Variants in ARHGAP28 observed in about 807,000 individuals in gnomAD.
ARHGAP28 encodes rho GTPase-activating protein 28.
Under a neutral mutation model 90.7 loss-of-function variants are expected in ARHGAP28, and 56 were observed. The observed-to-expected ratio is 0.62, with a 90% confidence interval of 0.50 to 0.77. The LOEUF is 0.77. ARHGAP28 is among the 30% of genes least tolerant of loss of function. The pLI is 0.00. For synonymous variants in ARHGAP28, 308 were observed against 323.3 expected, an observed-to-expected ratio of 0.95 and a Z score of 0.51; for missense variants, 869 against 900.9, an observed-to-expected ratio of 0.96 and a Z score of 0.45.
intron 14 of ARHGAP28, 48 bp from the exon 15 acceptor site, chr18:6,894,787 A>T: frequency 6.4e-7 from 1 of 1,550,758 alleles, no homozygotes; most frequent in East Asian, 2.3e-5. Flanking sequence ...CAAAAGCAAC[A>T]TATGCTTGTT....
At chr18:6,765,266 G>A (rs1190856524) in intron 1 of ARHGAP28, among the ~76,000 whole-genome samples, 1 of 152,138 alleles carries the variant, frequency 6.6e-6, no homozygotes, top group East Asian at 1.9e-4. Context: ...AGCCATCTGG[G>A]CTTGGAGTTT....
chr18:6,739,737 T>A (rs1389634911), intron 1 of ARHGAP28, among the ~76,000 whole-genome samples: 2 of 151,832 alleles, frequency 1.3e-5, no homozygotes, highest in African/African-American at 4.8e-5. Context: ...AGTAACTAGA[T>A]CTTATAATTT....
intron 1 of ARHGAP28, among the ~76,000 whole-genome samples, chr18:6,761,921 T>A (rs73938289): frequency 0.029 from 4,354 of 152,210 alleles, 183 homozygotes; most frequent in African/African-American, 0.093. Flanking sequence ...ATAGGAAAGG[T>A]TTAAGAAGGG....
chr18:6,779,976 TG>T (rs1369579234), intron 1 of ARHGAP28, among the ~76,000 whole-genome samples: 2 of 152,172 alleles, frequency 1.3e-5, no homozygotes, highest in Non-Finnish European at 2.9e-5. Flanking sequence ...GGGAACTTCA[TG>T]GGAAATATGA....
intron 1 of ARHGAP28, among the ~76,000 whole-genome samples, chr18:6,742,068 A>G (rs750156014): frequency 1.2e-4 from 18 of 152,208 alleles, no homozygotes; most frequent in Non-Finnish European, 2.5e-4. Flanking sequence ...GAAGGATTCC[A>G]TGGGGAAAAC....
intron 2 of ARHGAP28, among the ~76,000 whole-genome samples, chr18:6,827,462 G>A (rs1452702934): frequency 2.1e-5 from 3 of 142,710 alleles, no homozygotes; most frequent in African/African-American, 5.2e-5. Flanking sequence ...CCGGGCAGAG[G>A]GGCTCCTCAC....
At chr18:6,761,971 A>G (rs1246477730) in intron 1 of ARHGAP28, among the ~76,000 whole-genome samples, 2 of 152,224 alleles carry the variant, frequency 1.3e-5, no homozygotes, top group East Asian at 3.9e-4. Context: ...CCAGCGGTCT[A>G]CAGGCAGTTC....
chr18:6,804,592 C>T (rs977979538), intron 1 of ARHGAP28, among the ~76,000 whole-genome samples: 1 of 152,160 alleles, frequency 6.6e-6, no homozygotes, highest in Non-Finnish European at 1.5e-5. Flanking sequence ...AGCAATGTCC[C>T]ACAAATTTTG....
chr18:6,782,267 T>C (rs755638064), intron 1 of ARHGAP28, among the ~76,000 whole-genome samples: 10 of 152,168 alleles, frequency 6.6e-5, no homozygotes, highest in Non-Finnish European at 1.2e-4. Flanking sequence ...GAGTGTTCAC[T>C]GTTTTTTAGC....
At chr18:6,742,345 T>C (rs372932468) in intron 1 of ARHGAP28, among the ~76,000 whole-genome samples, 1 of 152,088 alleles carries the variant, frequency 6.6e-6, no homozygotes, top group East Asian at 1.9e-4. Flanking sequence ...TTTTTTTGTA[T>C]TTTTAGTAGA....
At position 6,914,516 on chromosome 18, in the gene ARHGAP28, C is replaced by G. The variant is rs1243205570; in HGVS notation, c.*2362C>G. 1 of 152,020 alleles carries G rather than the reference C, an allele frequency of 6.6e-6. No homozygotes were observed. Among genetic ancestry groups the G allele is most frequent in the African/African-American group, 2.4e-5 (1 of 41,412 alleles). 9.4% of individuals were successfully genotyped at this position (152,020 alleles called of 1,614,324 possible). ...GAGGTTCTTTTGACCAATTTTATTCCTAAGAATAAACAAACCCCTACAGTT... is the reference window on the plus strand; with the variant it reads ...GAGGTTCTTTTGACCAATTTTATTCGTAAGAATAAACAAACCCCTACAGTT... On this transcript the variant is annotated 3_prime_UTR_variant, in exon 18 of 18. Transcript: ENST00000383472.
intron 4 of ARHGAP28, among the ~76,000 whole-genome samples, chr18:6,856,086 C>G (rs1363040489): frequency 3.9e-5 from 6 of 152,222 alleles, no homozygotes; most frequent in Non-Finnish European, 8.8e-5. Context: ...GAGCAAAACT[C>G]AGACAAAGGC....
chr18:6,849,489 A>G (rs1405860867), intron 3 of ARHGAP28, among the ~76,000 whole-genome samples: 1 of 150,440 alleles, frequency 6.6e-6, no homozygotes, highest in Non-Finnish European at 1.5e-5. Context: ...ATAATCACAT[A>G]TATTACAGAA....
At chr18:6,898,412 A>G in intron 16 of ARHGAP28, 1 of 1,203,982 alleles carries the variant, frequency 8.3e-7, no homozygotes, top group East Asian at 2.3e-5. Context: ...CACACACATT[A>G]ACCCGTTTTC....
chr18:6,747,358 A>G lies in ARHGAP28; in HGVS notation c.122+17415A>G, dbSNP rs560932788. On this transcript the variant is annotated intron_variant, in intron 1 of 17. Transcript: ENST00000383472. ...GGAGAGGGAGTCAATAATTCAGTCA[A>G]TAATTCAGGTTGGATGTATTTAGAG... Among the ~76,000 whole-genome samples, 407 of 152,260 alleles carry G rather than the reference A, an allele frequency of 2.7e-3. 3 individuals are homozygous for G. Among genetic ancestry groups the G allele is most frequent in the African/African-American group, 9.4e-3 (389 of 41,544 alleles).
intron 2 of ARHGAP28, among the ~76,000 whole-genome samples, chr18:6,834,850 A>C (rs73941131): frequency 0.018 from 2,750 of 152,322 alleles, 77 homozygotes; most frequent in African/African-American, 0.062. Flanking sequence ...GCCTAATTAC[A>C]TTGGATGGTG....
rs75282739 is a variant in ARHGAP28 at position 6,839,405 on chromosome 18, C to A, written c.543+1991C>A. On this transcript the variant is annotated intron_variant, in intron 3 of 17. Transcript: ENST00000383472. ...GCCTCCCGGGTTCACGCCATTCTCC[C>A]CCCTCAGCCTCCCGAGTAACTGGGA... Among the ~76,000 whole-genome samples the A allele has an allele frequency of 2.3e-3, 344 of 151,910 alleles. 1 individual carries two copies. The highest frequency in any genetic ancestry group is 5.4e-3 in the South Asian group (26 of 4,808).
chr18:6,822,736 T>G (rs1005257527), intron 1 of ARHGAP28, among the ~76,000 whole-genome samples: 1 of 152,164 alleles, frequency 6.6e-6, no homozygotes, highest in African/African-American at 2.4e-5. Context: ...AAAATAGAAC[T>G]AGAGTCAGAT....
At chr18:6,754,220 G>C (rs1469344913) in intron 1 of ARHGAP28, among the ~76,000 whole-genome samples, 1 of 152,078 alleles carries the variant, frequency 6.6e-6, no homozygotes, top group African/African-American at 2.4e-5. Context: ...GTGGTCTTCA[G>C]TCCTTATTGC....
Sources: gnomAD v4.1 joint callset for allele counts (sites outside exome capture counted in the v4.1 genomes callset) on GRCh38, gnomAD v4.1.1 for gene constraint, MANE v1.5 for transcripts, NCBI Gene and HGNC (gene_info 2026-07-23, HGNC 2026-07-21) for gene names.